The following BRAF variants were observed in gnomAD, a reference collection of about 807,000 sequenced individuals.
BRAF encodes serine/threonine-protein kinase B-raf.
A neutral mutation model predicts 104.6 loss-of-function variants in BRAF; 16 were observed. That is an observed-to-expected ratio of 0.15 (90% confidence interval 0.10 to 0.23). The LOEUF is 0.23. BRAF is among the 10% of genes least tolerant of loss of function. BRAF has a pLI of 1.00. For missense variants in BRAF, 541 were observed against 937.3 expected (o/e 0.58, Z 5.52); for synonymous variants, 310 against 341.6 (o/e 0.91, Z 1.02).
chr7:140,853,214 C>CA (rs1161592208), intron 1 of BRAF, among the ~76,000 whole-genome samples: 342 of 112,624 alleles, frequency 3.0e-3, no homozygotes, highest in South Asian at 5.5e-3. Flanking sequence ...CCTGTATCTA[C>CA]AAAAAAAAAA....
In BRAF at chr7:140,924,691, T is replaced by C; in HGVS notation, c.13A>G (p.Ser5Gly). The change falls in exon 1 of 20, where the codon AGC (serine) becomes GGC (glycine). Residue 5 changes from serine (S) to glycine (G), a missense_variant. This residue lies in a region of BRAF where 82 missense variants were observed against 65.9 expected (regional missense o/e 1.24). Transcript: ENST00000644969. The surrounding 1 kb of genome is among the most constrained non-coding windows in gnomAD (Gnocchi z 4.2). ...TCCGCGCCGCCACCACCGCCACCGC[T>C]CAGCGCCGCCATCTTATAACCGAGA... Reference protein sequence around the residue: MAALSGGGGGGAEPG... With the variant: MAALGGGGGGGAEPG... 2.8e-6 allele frequency: 3 copies of C among 1,089,768 alleles called. No individual in the cohort carries two copies. The highest frequency in any genetic ancestry group is 4.0e-6 in the Non-Finnish European group (3 of 753,168). 67.5% of individuals were successfully genotyped at this position (1,089,768 alleles called of 1,614,324 possible).
At chr7:140,892,724 A>T (rs1435909539) in intron 1 of BRAF, among the ~76,000 whole-genome samples, 1 of 152,164 alleles carries the variant, frequency 6.6e-6, no homozygotes, top group Non-Finnish European at 1.5e-5. Flanking sequence ...ACGAGTTTTT[A>T]TCTGGTTTAG....
intron 1 of BRAF, among the ~76,000 whole-genome samples, chr7:140,850,825 T>G (rs1809084083): frequency 6.6e-6 from 1 of 152,166 alleles, no homozygotes; most frequent in Non-Finnish European, 1.5e-5. Context: ...GATCCTCAAG[T>G]TTTATCTGTA....
At chr7:140,797,632 C>T (rs1802625809) in intron 7 of BRAF, among the ~76,000 whole-genome samples, 1 of 152,156 alleles carries the variant, frequency 6.6e-6, no homozygotes, top group Non-Finnish European at 1.5e-5. Context: ...ATTCATGGCA[C>T]AGGCAAATGG....
chr7:140,745,320 T>C (rs1054649690), intron 17 of BRAF, among the ~76,000 whole-genome samples: 3 of 151,986 alleles, frequency 2.0e-5, no homozygotes, highest in Admixed American at 1.3e-4. Flanking sequence ...TTTTCAAGAG[T>C]CTTTCAGGAG....
At chr7:140,866,931 G>GA (rs374579589) in intron 1 of BRAF, among the ~76,000 whole-genome samples, 15 of 150,628 alleles carry the variant, frequency 1.0e-4, no homozygotes, top group South Asian at 2.1e-4. Flanking sequence ...TGCATTCAAT[G>GA]AAAAAAAAAT....
rs376157560 is a variant in BRAF, at chr7:140,877,260, T to C, written c.139-27048A>G. Among the ~76,000 whole-genome samples, 71 of 141,684 alleles carry C rather than the reference T, an allele frequency of 5.0e-4. 1 individual carries two copies. The East Asian group carries it at 0.014, about 27-fold the overall frequency. 93.0% of individuals were successfully genotyped at this position (141,684 alleles called of 152,430 possible). A position where few individuals can be genotyped will look rare whatever the true frequency, so the allele number is the denominator to read the frequency against. On this transcript the variant is annotated intron_variant, in intron 1 of 19. Coordinates refer to ENST00000644969, the MANE Select transcript of BRAF (RefSeq NM_001374258.1). ...CAGTGAATTAATATCATTAAGCTTG[T>C]GCCATTATTTTTTTTTTAGTTTTTT...
At chr7:140,831,665 T>A (rs1277623730) in intron 3 of BRAF, among the ~76,000 whole-genome samples, 1 of 152,186 alleles carries the variant, frequency 6.6e-6, no homozygotes, top group Non-Finnish European at 1.5e-5. Context: ...CAGCAACCCA[T>A]TATCAGATGT....
At chr7:140,806,133 T>C (rs1197829283) in intron 5 of BRAF, among the ~76,000 whole-genome samples, 1 of 152,168 alleles carries the variant, frequency 6.6e-6, no homozygotes, top group Non-Finnish European at 1.5e-5. Context: ...TTTCAAAACT[T>C]TGAAAGGTAA....
At chr7:140,781,523 G>T in intron 12 of BRAF, 53 bp downstream of exon 11, 1 of 1,463,566 alleles carries the variant, frequency 6.8e-7, no homozygotes, top group Non-Finnish European at 9.6e-7. Context: ...AATAAAAGTT[G>T]TTAAACATAT....
At chr7:140,861,814 A>C (rs1810446184) in intron 1 of BRAF, among the ~76,000 whole-genome samples, 1 of 152,148 alleles carries the variant, frequency 6.6e-6, no homozygotes, top group African/African-American at 2.4e-5. Context: ...TAGTTATTAT[A>C]TTATTCCCTA....
intron 13 of BRAF, 47 bp downstream of exon 12, chr7:140,777,944 T>C (rs1288416381): frequency 6.3e-7 from 1 of 1,575,806 alleles, no homozygotes; most frequent in Admixed American, 1.7e-5. Context: ...CAGGAGCTAA[T>C]AAAAATAACT....
At position 140,921,895 on chromosome 7, in the gene BRAF, TG is replaced by T. The variant is rs201191545; in HGVS notation, c.138+2670del. On this transcript the variant is annotated intron_variant, in intron 1 of 19. Transcript: ENST00000644969. ...CAAGCAAACCTTTTCATTCTTTCCA[TG>T]TAATTTGCAGTAAAAGATCCCTTTA... Among the ~76,000 whole-genome samples the T allele has an allele frequency of 3.7e-3, 556 of 152,196 alleles. 6 individuals carry two copies. Among genetic ancestry groups the T allele is most frequent in the African/African-American group, 0.013 (526 of 41,542 alleles).
In BRAF at chr7:140,897,493, CTTTTTTT is replaced by C. The variant is rs1177553423; in HGVS notation, c.138+27066_138+27072del. Among the ~76,000 whole-genome samples, 241 of 105,736 alleles carry C rather than the reference CTTTTTTT, an allele frequency of 2.3e-3. 3 individuals are homozygous for C. The South Asian group carries it at 0.037, about 16-fold the overall frequency. 69.4% of individuals were successfully genotyped at this position (105,736 alleles called of 152,430 possible). On this transcript the variant is annotated intron_variant, in intron 1 of 19. Transcript: ENST00000644969. ...TCTGGATAGGAAAGATTTCTTTTTT[CTTTTTTT>C]TTTTTTTTTTTTTTGAGACAGAGTC...
intron 3 of BRAF, among the ~76,000 whole-genome samples, chr7:140,818,292 A>G (rs1289280026): frequency 6.6e-6 from 1 of 150,404 alleles, no homozygotes; most frequent in Non-Finnish European, 1.5e-5. Context: ...TGTCCTTTAT[A>G]TTTTTCCATA....
At chr7:140,841,141 A>G (rs1177331910) in intron 2 of BRAF, among the ~76,000 whole-genome samples, 1 of 152,216 alleles carries the variant, frequency 6.6e-6, no homozygotes, top group Admixed American at 6.5e-5. Context: ...AAGATGTTCT[A>G]TATTATTAGT....
chr7:140,803,193 T>C (rs1184230595), intron 5 of BRAF, among the ~76,000 whole-genome samples: 1 of 152,222 alleles, frequency 6.6e-6, no homozygotes, highest in Non-Finnish European at 1.5e-5. Context: ...TCACCATTGA[T>C]GCATTTCTCA....
chr7:140,722,176 C>T lies in BRAF; in HGVS notation c.*4318G>A, dbSNP rs548770931. 9.4e-7 allele frequency: 1 copy of T among 1,060,502 alleles called. No homozygotes were observed. Among genetic ancestry groups the T allele is most frequent in the South Asian group, 4.6e-5 (1 of 21,906 alleles). The allele number at this position is 1,060,502 out of a possible 1,614,324, so 65.7% of individuals were successfully genotyped here. A position where few individuals can be genotyped will look rare whatever the true frequency, so the allele number is the denominator to read the frequency against. On this transcript the variant is annotated 3_prime_UTR_variant, in exon 20 of 20. Coordinates refer to ENST00000644969, the MANE Select transcript of BRAF (RefSeq NM_001374258.1). ...GAACTATATTTGCAACCTAGTTGCT[C>T]TATGTGATAAATATATCTGACTATA...
At chr7:140,902,798 G>C (rs1369617349) in intron 1 of BRAF, among the ~76,000 whole-genome samples, 2 of 151,826 alleles carry the variant, frequency 1.3e-5, no homozygotes, top group Non-Finnish European at 2.9e-5. Context: ...AGAAAAGCAA[G>C]CAAGCAAAAC....
Sources: allele counts gnomAD v4.1 joint callset (sites outside exome capture counted in the v4.1 genomes callset), GRCh38; gene constraint gnomAD v4.1.1; regional missense constraint gnomAD v4.1.1; non-coding constraint Gnocchi (gnomAD v3.1); transcripts MANE v1.5; gene names NCBI Gene and HGNC (gene_info 2026-07-23, HGNC 2026-07-21).